The following PLEKHA8 variants were observed in gnomAD, a reference collection of about 807,000 sequenced individuals.
PLEKHA8 encodes pleckstrin homology domain-containing family A member 8.
PLEKHA8 carries 36 observed loss-of-function variants against 68.2 expected under a neutral mutation model. That is an observed-to-expected ratio of 0.53 (90% confidence interval 0.40 to 0.70). PLEKHA8 has a LOEUF of 0.70. PLEKHA8 is among the 30% of genes least tolerant of loss of function. The probability of loss-of-function intolerance (pLI) is 0.00; values close to 1 mark genes in which losing one functional copy is unlikely to be tolerated. For missense variants in PLEKHA8, 505 were observed against 615.4 expected (o/e 0.82, Z 1.90); for synonymous variants, 211 against 216.1 (o/e 0.98, Z 0.20).
At chr7:30,070,868 T>G (rs62446715) in intron 12 of PLEKHA8, among the ~76,000 whole-genome samples, 25,544 of 152,164 alleles carry the variant, frequency 0.17, 2,187 homozygotes, top group Middle Eastern at 0.22. Flanking sequence ...TAAACAAGCA[T>G]TCTGTCTAGC....
At chr7:30,037,893 C>T (rs778333195) in intron 1 of PLEKHA8, among the ~76,000 whole-genome samples, 11 of 152,026 alleles carry the variant, frequency 7.2e-5, no homozygotes, top group Non-Finnish European at 1.6e-4. Context: ...CATCCCATCA[C>T]CTAGGTATTA....
Position 30,049,227 on chromosome 7 carries a change from G to A in PLEKHA8, c.442G>A (p.Gly148Arg), listed in dbSNP as rs1792206363. The change falls in exon 5 of 14, where the codon GGA becomes AGA. Residue 148 changes from glycine (G) to arginine (R), a missense_variant. Physicochemically the swap from Gly to Arg is moderately radical, Grantham distance 125 (BLOSUM62 -2). Transcript: ENST00000449726. ...TTTGVSNSEE[G>R]IDVGTLLKST... ...TTCCACTCTGGTTGTTTCGTAGGAG[G>A]GAATTGATGTGGGAACTTTGCTGAA... is the stretch of plus-strand genomic sequence containing the variant. The A allele has an allele frequency of 6.2e-7, 1 of 1,613,766 alleles. No individual in the cohort carries two copies. Among genetic ancestry groups the A allele is most frequent in the South Asian group, 1.1e-5 (1 of 91,068 alleles).
At chr7:30,116,906 C>T (rs1796586325) in intron 13 of PLEKHA8, among the ~76,000 whole-genome samples, 1 of 152,182 alleles carries the variant, frequency 6.6e-6, no homozygotes, top group Admixed American at 6.5e-5. Context: ...GAAACCTAGG[C>T]TGGGAATGAC....
chr7:30,115,720 GCATGCATACACGTATACATGTATACATA>G (rs1562557667), intron 13 of PLEKHA8: 1 of 112,188 alleles, frequency 8.9e-6, no homozygotes, highest in Non-Finnish European at 2.0e-5. Context: ...ATACGCGCAT[GCATGCATACACGTATACATGTATACATA>G]CGTGCACATA....
At chr7:30,042,497 T>A (rs974065551) in intron 1 of PLEKHA8, among the ~76,000 whole-genome samples, 2 of 152,176 alleles carry the variant, frequency 1.3e-5, no homozygotes, top group Non-Finnish European at 2.9e-5. Context: ...TCATGGGAGT[T>A]GAGCTGTTCA....
chr7:30,124,037 T>C (rs1796735110), intron 13 of PLEKHA8, among the ~76,000 whole-genome samples: 1 of 152,218 alleles, frequency 6.6e-6, no homozygotes, highest in Admixed American at 6.5e-5. Context: ...GCTATTTTGG[T>C]TAAAATGTAT....
downstream of PLEKHA8, among the ~76,000 whole-genome samples, chr7:30,088,604 T>C (rs1795274501): frequency 6.6e-6 from 1 of 152,028 alleles, no homozygotes; most frequent in African/African-American, 2.4e-5. Context: ...CCCCTAAAGC[T>C]GAACATAAAG....
chr7:30,031,794 C>T (rs551934469), intron 1 of PLEKHA8, among the ~76,000 whole-genome samples: 2 of 152,300 alleles, frequency 1.3e-5, no homozygotes, highest in East Asian at 3.9e-4. Flanking sequence ...ATTTTGTGAG[C>T]TTCTTTTGCC....
intron 1 of PLEKHA8, among the ~76,000 whole-genome samples, chr7:30,037,205 G>T (rs2127962622): frequency 6.6e-6 from 1 of 152,164 alleles, no homozygotes; most frequent in African/African-American, 2.4e-5. Context: ...AATATATATG[G>T]GTTATGAACG....
At chr7:30,090,852 A>G (rs575315277), downstream of PLEKHA8, 1 of 189,770 alleles carries the variant, frequency 5.3e-6, no homozygotes, top group Non-Finnish European at 9.8e-6. Context: ...AAAAATAAAT[A>G]TGATTTTACG....
intron 12 of PLEKHA8, among the ~76,000 whole-genome samples, chr7:30,073,609 C>T (rs1314766831): frequency 2.9e-5 from 4 of 136,520 alleles, no homozygotes; most frequent in African/African-American, 1.1e-4. Context: ...AGCTTTTTTA[C>T]TGCTTTAGAT....
chr7:30,118,150 C>A, intron 13 of PLEKHA8: 1 of 716,686 alleles, frequency 1.4e-6, no homozygotes, highest in Non-Finnish European at 2.1e-6. Flanking sequence ...GCCCAGCAAG[C>A]CCCGAGATGC....
At chr7:30,116,910 G>GA (rs1206167535) in intron 13 of PLEKHA8, among the ~76,000 whole-genome samples, 1 of 152,196 alleles carries the variant, frequency 6.6e-6, no homozygotes, top group African/African-American at 2.4e-5. Context: ...CCTAGGCTGG[G>GA]AATGACAAGT....
At chr7:30,112,305 G>T (rs1188854155) in intron 13 of PLEKHA8, among the ~76,000 whole-genome samples, 1 of 151,186 alleles carries the variant, frequency 6.6e-6, no homozygotes, top group Non-Finnish European at 1.5e-5. Context: ...TCACGACTCA[G>T]CATATACCAA....
chr7:30,037,245 G>T (rs576751072), intron 1 of PLEKHA8, among the ~76,000 whole-genome samples: 92 of 152,106 alleles, frequency 6.0e-4, no homozygotes, highest in Non-Finnish European at 1.2e-3. Context: ...TGAATAAATT[G>T]TCTTGACTCA....
rs543719773 is a variant in PLEKHA8, at chr7:30,067,696, G to A, written c.1300+4954G>A. ...TGTCCATAAGCAGCATCTAGCATTG[G>A]ACTACATGTTTTAAACTTGTATATG... On this transcript the variant is annotated intron_variant, in intron 12 of 13. Coordinates refer to ENST00000449726, the MANE Select transcript of PLEKHA8 (RefSeq NM_001197026.2). Among the ~76,000 whole-genome samples, 263 of 152,178 alleles carry A rather than the reference G, an allele frequency of 1.7e-3. 4 individuals are homozygous for A. The highest frequency in any genetic ancestry group is 2.8e-4 in the Non-Finnish European group (19 of 67,994).
intron 12 of PLEKHA8, among the ~76,000 whole-genome samples, chr7:30,067,419 A>G (rs746134891): frequency 1.3e-5 from 2 of 152,194 alleles, no homozygotes; most frequent in Non-Finnish European, 1.5e-5. Context: ...GCAGTGAGCC[A>G]TGTTTGCACC....
chr7:30,089,597 T>C (rs1355111736), downstream of PLEKHA8, among the ~76,000 whole-genome samples: 1 of 152,178 alleles, frequency 6.6e-6, no homozygotes, highest in Admixed American at 6.5e-5. Context: ...ACAGAGCTGC[T>C]CACCTTAAAC....
chr7:30,040,124 G>T (rs565820406), intron 1 of PLEKHA8, among the ~76,000 whole-genome samples: 1 of 152,334 alleles, frequency 6.6e-6, no homozygotes, highest in South Asian at 2.1e-4. Flanking sequence ...TTAGTGAGAT[G>T]ATCATGTGAT....
Sources: gnomAD v4.1 joint callset for allele counts (sites outside exome capture counted in the v4.1 genomes callset) on GRCh38, gnomAD v4.1.1 for gene constraint, MANE v1.5 for transcripts, NCBI Gene and HGNC (gene_info 2026-07-23, HGNC 2026-07-21) for gene names.